Variants in SRRM1 observed in about 807,000 individuals in gnomAD.
The protein encoded by SRRM1 is serine and arginine repetitive matrix 1, also known as serine/arginine repetitive matrix protein 1.
A neutral mutation model predicts 110.2 loss-of-function variants in SRRM1; 19 were observed. The ratio of observed to expected loss-of-function variants is 0.17; its 90% CI spans 0.12 to 0.25. SRRM1 has a LOEUF of 0.25. Ranked by LOEUF, SRRM1 falls within the 10% of genes least tolerant of loss-of-function variation. The probability of loss-of-function intolerance (pLI) is 1.00; values close to 1 mark genes in which losing one functional copy is unlikely to be tolerated. For synonymous variants in SRRM1, 443 were observed against 414.9 expected, an observed-to-expected ratio of 1.07 and a Z score of -0.82; for missense variants, 918 against 1,145.8, an observed-to-expected ratio of 0.80 and a Z score of 2.87.
At chr1:24,644,766 C>T (rs571440205) in intron 1 of SRRM1, among the ~76,000 whole-genome samples, 29 of 152,282 alleles carry the variant, frequency 1.9e-4, no homozygotes, top group African/African-American at 7.0e-4. Context: ...TCAATATTTT[C>T]TGCAGTGCAA....
intron 9 of SRRM1, among the ~76,000 whole-genome samples, chr1:24,655,517 TTC>T (rs149736251): frequency 0.024 from 3,678 of 152,324 alleles, 87 homozygotes; most frequent in Non-Finnish European, 0.04. Context: ...GGACTTCATA[TTC>T]TCTTTTAGTT....
Position 24,666,818 on chromosome 1 carries a change from T to C in SRRM1, c.1632T>C (p.Gly544=). 1 of 1,612,858 alleles carries C rather than the reference T, an allele frequency of 6.2e-7. No individual in the cohort carries two copies. The highest frequency in any genetic ancestry group is 8.5e-7 in the Non-Finnish European group (1 of 1,179,216). ...ACTATAATTCTTCTTGGTTTAGTGG[T>C]AGACGGAGGAGAAGTCCATCCCCAC... ...RKRQKETSPR[G]RRRRSPSPPP... The change falls in exon 13 of 17, where the codon GGT becomes GGC. Residue 544 remains glycine, a synonymous_variant. Coordinates refer to ENST00000323848, the MANE Select transcript of SRRM1 (RefSeq NM_005839.4).
In SRRM1 at chr1:24,652,794, C is replaced by T. The variant is rs923074830; in HGVS notation, c.921-119C>T. The T allele has an allele frequency of 9.3e-6, 13 of 1,397,978 alleles. No individual in the cohort carries two copies. The African/African-American group carries it at 1.7e-4, about 19-fold the overall frequency. 86.6% of individuals were successfully genotyped at this position (1,397,978 alleles called of 1,614,324 possible). On this transcript the variant is annotated intron_variant, in intron 7 of 16. Coordinates refer to ENST00000323848, the MANE Select transcript of SRRM1 (RefSeq NM_005839.4). ...CTTTTCTGTGTACCATAAAAATCTA[C>T]ATAAATGGAAAATTTTGATCTTTGA...
At chr1:24,653,901 A>G (rs1662507731) in intron 8 of SRRM1, among the ~76,000 whole-genome samples, 2 of 152,234 alleles carry the variant, frequency 1.3e-5, no homozygotes, top group African/African-American at 2.4e-5. Context: ...TAAAGAGGGG[A>G]AAAATCAAGT....
chr1:24,653,115 C>G, intron 8 of SRRM1, 83 bp downstream of exon 8: 1 of 1,352,016 alleles, frequency 7.4e-7, no homozygotes, highest in Non-Finnish European at 1.0e-6. Context: ...AAATTAGTGT[C>G]CCCTGGAAGA....
rs754715881 is a variant in SRRM1, at chr1:24,643,305, G to T, written c.-22G>T. On this transcript the variant is annotated 5_prime_UTR_variant, in exon 1 of 17. Transcript: ENST00000323848. ...CGCGGTGTACCCTGGGATAGGGAGCGATCTCCGAGCGAGGCGGCAAGATGG... is the reference window on the plus strand; with the variant it reads ...CGCGGTGTACCCTGGGATAGGGAGCTATCTCCGAGCGAGGCGGCAAGATGG... 2 of 1,566,086 alleles carry T rather than the reference G, an allele frequency of 1.3e-6. No individual in the cohort carries two copies. Among genetic ancestry groups the T allele is most frequent in the Admixed American group, 3.8e-5 (2 of 52,310 alleles).
At chr1:24,662,974 T>C in intron 12 of SRRM1, 170 bp downstream of exon 12, 1 of 1,009,586 alleles carries the variant, frequency 9.9e-7, no homozygotes, top group South Asian at 1.8e-5. Flanking sequence ...TTATTGGTGG[T>C]TATTAATAAT....
chr1:24,643,765 G>A (rs927766025), intron 1 of SRRM1: 1 of 195,098 alleles, frequency 5.1e-6, no homozygotes, highest in Non-Finnish European at 1.0e-5. Flanking sequence ...GGAGAATATG[G>A]TTTGGGGGTA....
chr1:24,661,859 G>A (rs778743650), intron 11 of SRRM1, among the ~76,000 whole-genome samples: 1 of 152,150 alleles, frequency 6.6e-6, no homozygotes, highest in Non-Finnish European at 1.5e-5. Flanking sequence ...GGAGGCCGAG[G>A]TGAGCAGGCC....
intron 7 of SRRM1, 116 bp from the exon 8 acceptor site, chr1:24,652,797 A>C: frequency 7.1e-7 from 1 of 1,409,392 alleles, no homozygotes; most frequent in Non-Finnish European, 9.5e-7. Flanking sequence ...AAATCTACAT[A>C]AATGGAAAAT....
chr1:24,672,073 A>C (rs546350784), intron 16 of SRRM1, 109 bp from the exon 17 acceptor site: 1 of 809,798 alleles, frequency 1.2e-6, no homozygotes, highest in South Asian at 1.7e-5. Context: ...CCTACCCCAC[A>C]ACAGTCCCCG....
In SRRM1 at chr1:24,666,935, C is replaced by G. The variant is rs762217014; in HGVS notation, c.1739+10C>G. 3.1e-6 allele frequency: 5 copies of G among 1,589,896 alleles called. No individual in the cohort carries two copies. The highest frequency in any genetic ancestry group is 1.4e-5 in the African/African-American group (1 of 73,506). ...CACCACCACGACGAAGGTACTTTGT[C>G]AAATATGCTAACTGGAGCATCTCCC... is the stretch of plus-strand genomic sequence containing the variant. On this transcript the variant is annotated intron_variant, in intron 13 of 16. Transcript: ENST00000323848.
chr1:24,647,709 C>A (rs1002689492), intron 3 of SRRM1: 1 of 152,542 alleles, frequency 6.6e-6, no homozygotes, highest in Admixed American at 6.5e-5. Flanking sequence ...TAAGGTATTT[C>A]TAGTTTTAAA....
chr1:24,646,343 C>T (rs988442030), intron 2 of SRRM1, among the ~76,000 whole-genome samples: 3 of 152,014 alleles, frequency 2.0e-5, no homozygotes, highest in African/African-American at 2.4e-5. Context: ...CTGGCTAACA[C>T]GGTGAAACCC....
chr1:24,655,971 G>A (rs1435598709), intron 9 of SRRM1, among the ~76,000 whole-genome samples: 1 of 152,126 alleles, frequency 6.6e-6, no homozygotes, highest in Non-Finnish European at 1.5e-5. Context: ...CAGGTGTGGT[G>A]GCATGAGCCT....
chr1:24,669,961 CAT>C, intron 14 of SRRM1, 157 bp from the exon 15 acceptor site: 2 of 699,116 alleles, frequency 2.9e-6, no homozygotes, highest in Non-Finnish European at 4.8e-6. Flanking sequence ...CTCTGGGAAA[CAT>C]AGGTAATGTA....
intron 1 of SRRM1, among the ~76,000 whole-genome samples, chr1:24,645,005 AG>A (rs1274180492): frequency 1.3e-5 from 2 of 152,210 alleles, no homozygotes; most frequent in African/African-American, 2.4e-5. Context: ...AAAATATTTT[AG>A]GGTCATTATC....
intron 15 of SRRM1, 108 bp downstream of exon 15, chr1:24,670,423 T>G: frequency 3.4e-6 from 4 of 1,192,476 alleles, no homozygotes; most frequent in Non-Finnish European, 4.6e-6. Flanking sequence ...TAAACTTTTT[T>G]TCCCATTTGT....
intron 9 of SRRM1, among the ~76,000 whole-genome samples, chr1:24,659,797 A>G (rs1458995144): frequency 6.6e-6 from 1 of 152,176 alleles, no homozygotes; most frequent in Non-Finnish European, 1.5e-5. Context: ...GGTAGTTACC[A>G]TATTTCTATG....
Sources: allele counts gnomAD v4.1 joint callset (sites outside exome capture counted in the v4.1 genomes callset), GRCh38; gene constraint gnomAD v4.1.1; transcripts MANE v1.5; gene names NCBI Gene and HGNC (gene_info 2026-07-23, HGNC 2026-07-21).